The following ZNF729 variants were observed in gnomAD, a reference collection of about 807,000 sequenced individuals.
ZNF729 encodes the protein zinc finger protein 729.
A neutral mutation model predicts 12.2 loss-of-function variants in ZNF729; 15 were observed. The observed-to-expected ratio is 1.23, with a 90% CI of 0.82 to 1.89. The LOEUF (loss-of-function observed/expected upper bound fraction) is 1.89, where lower values mean the gene tolerates loss of function less well. ZNF729 is among the 40% of genes most tolerant of loss of function. The probability of loss-of-function intolerance (pLI) is 0.00; values close to 1 mark genes in which losing one functional copy is unlikely to be tolerated. For missense variants in ZNF729, 1,540 were observed against 1,456.7 expected, an observed-to-expected ratio of 1.06 and a Z score of -0.93; for synonymous variants, 492 against 476.3, an observed-to-expected ratio of 1.03 and a Z score of -0.43.
chr19:22,313,507 G>C (rs1453377726), intron 3 of ZNF729, among the ~76,000 whole-genome samples, 164 bp from the exon 4 acceptor site: 1 of 152,050 alleles, frequency 6.6e-6, no homozygotes, highest in Non-Finnish European at 1.5e-5. Flanking sequence ...AATGTATTTG[G>C]TCAGTATGTT....
chr19:22,286,855 G>A (rs1333225961), intron 1 of ZNF729, among the ~76,000 whole-genome samples: 1 of 152,216 alleles, frequency 6.6e-6, no homozygotes, highest in Non-Finnish European at 1.5e-5. Flanking sequence ...CACGGGAGGG[G>A]CGTCAGGGGA....
chr19:22,294,905 G>T (rs1968207695), intron 1 of ZNF729, among the ~76,000 whole-genome samples: 1 of 151,616 alleles, frequency 6.6e-6, no homozygotes, highest in Non-Finnish European at 1.5e-5. Flanking sequence ...GACCCACCCG[G>T]CTCGGCTTCC....
intron 1 of ZNF729, chr19:22,299,249 A>G (rs1968272339): frequency 6.6e-6 from 1 of 152,018 alleles, no homozygotes; most frequent in African/African-American, 2.4e-5. Context: ...TTTGTTTTTG[A>G]GATAGAATCT....
intron 1 of ZNF729, among the ~76,000 whole-genome samples, chr19:22,302,224 C>G (rs1245262873): frequency 6.6e-6 from 1 of 152,312 alleles, no homozygotes; most frequent in African/African-American, 2.4e-5. Context: ...GAGACTCAAA[C>G]AGGTAAACTA....
At chr19:22,301,997 C>G (rs75398731) in intron 1 of ZNF729, among the ~76,000 whole-genome samples, 10,179 of 147,874 alleles carry the variant, frequency 0.069, no homozygotes, top group South Asian at 0.085. Context: ...GAAACCCTCT[C>G]ACAATCACCT....
chr19:22,302,600 C>T (rs1599755711), intron 1 of ZNF729, among the ~76,000 whole-genome samples: 1 of 140,142 alleles, frequency 7.1e-6, no homozygotes, highest in South Asian at 2.3e-4. Flanking sequence ...TTAAATTACA[C>T]AGATTCTGGG....
rs186735455 is a variant in ZNF729, at chr19:22,306,705, A to G, written c.253+1922A>G. 7.2e-3 allele frequency among the ~76,000 whole-genome samples: 1,092 copies of G among 151,372 alleles called. 5 individuals carry two copies. The highest frequency in any genetic ancestry group is 0.013 in the Non-Finnish European group (869 of 67,804). On this transcript the variant is annotated intron_variant, in intron 3 of 3. Coordinates refer to ENST00000601693, the MANE Select transcript of ZNF729 (RefSeq NM_001242680.2). The stretch of plus-strand genomic sequence containing the variant: ...CATAACAATTTCAATGGAACAAAAA[A>G]CTATATTTTTATATTTTCCAGTTTG...
At chr19:22,291,180 G>A (rs899459931) in intron 1 of ZNF729, among the ~76,000 whole-genome samples, 1 of 152,118 alleles carries the variant, frequency 6.6e-6, no homozygotes, top group Non-Finnish European at 1.5e-5. Context: ...CCAGATAAAA[G>A]ATATCACAGA....
chr19:22,313,786 A>T lies in ZNF729; in HGVS notation c.369A>T (p.Arg123Ser). 6.3e-7 allele frequency: 1 copy of T among 1,596,922 alleles called. No individual in the cohort carries two copies. ...GTGGACATAAGAATTTACGATTAAG[A>T]AAAGATTGTAAAAGTGCCAATGAGG... is the stretch of plus-strand genomic sequence containing the variant. ...ARCGHKNLRL[R>S]KDCKSANEGK... Residue 123 changes from arginine (R) to serine (S), a missense_variant, in exon 4 of 4, where the codon AGA becomes AGT. Physicochemically the swap from Arg to Ser is moderately radical, Grantham distance 110. Transcript: ENST00000601693.
chr19:22,291,262 A>G (rs1463890873), intron 1 of ZNF729, among the ~76,000 whole-genome samples: 1 of 152,164 alleles, frequency 6.6e-6, no homozygotes, highest in African/African-American at 2.4e-5. Flanking sequence ...AGGCCATCAC[A>G]CTGCCCATTA....
At chr19:22,313,354 C>G (rs900022656) in intron 3 of ZNF729, among the ~76,000 whole-genome samples, 2 of 152,166 alleles carry the variant, frequency 1.3e-5, no homozygotes, top group Non-Finnish European at 2.9e-5. Flanking sequence ...TCCCAGTCAG[C>G]AATTTACTTC....
chr19:22,315,682 T>C lies in ZNF729; in HGVS notation c.2265T>C (p.Leu755=), dbSNP rs538971970. The part of the protein sequence containing the change: ...CGKSFKHFSA[L]RKHKVIHTRE... Reference sequence around the variant, plus strand: ...AATCTTTTAAGCATTTCTCAGCCCTTAGAAAACATAAGGTAATTCATACTA... The same window carrying C: ...AATCTTTTAAGCATTTCTCAGCCCTCAGAAAACATAAGGTAATTCATACTA... The change falls in exon 4 of 4, where the codon CTT becomes CTC. Residue 755 remains leucine (L), a synonymous_variant. Transcript: ENST00000601693. The C allele has an allele frequency of 4.7e-4, 763 of 1,606,332 alleles. 1 individual carries two copies. In the African/African-American group the frequency reaches 8.9e-3, roughly 19 times the overall value.
In ZNF729 at chr19:22,286,475, C is replaced by T. The variant is rs1259840219; in HGVS notation, c.-51C>T. 10 of 1,611,152 alleles carry T rather than the reference C, an allele frequency of 6.2e-6. No individual in the cohort carries two copies. Among genetic ancestry groups the T allele is most frequent in the African/African-American group, 2.7e-5 (2 of 74,666 alleles). ...GGTCTCGCCTTCACTGCTGTGTGTC[C>T]TCAGCCTCTGTGGCCCTGTAACCTG... On this transcript the variant is annotated 5_prime_UTR_variant, in exon 1 of 4. Coordinates refer to ENST00000601693, the MANE Select transcript of ZNF729 (RefSeq NM_001242680.2).
At position 22,317,046 on chromosome 19, in the gene ZNF729, A is replaced by T; in HGVS notation, c.3629A>T (p.His1210Leu). 1 of 1,609,136 alleles carries T rather than the reference A, an allele frequency of 6.2e-7. No individual in the cohort carries two copies. Among genetic ancestry groups the T allele is most frequent in the Non-Finnish European group, 8.5e-7 (1 of 1,178,872 alleles). Residue 1210 changes from histidine to leucine, a missense_variant, in exon 4 of 4, where the codon CAT becomes CTT. Physicochemically the swap from His to Leu is moderately conservative, Grantham distance 99. Transcript: ENST00000601693. The part of the protein sequence containing the change: ...CSYLIRHKTI[H>L]TREKPTNVKK... ...TACCTTATTAGACATAAAACAATTC[A>T]TACCAGAGAGAAACCTACAAATGTG... is the stretch of plus-strand genomic sequence containing the variant.
intron 1 of ZNF729, among the ~76,000 whole-genome samples, chr19:22,293,494 ATTT>A (rs56180581): frequency 1.1e-4 from 11 of 96,062 alleles, no homozygotes; most frequent in Admixed American, 2.8e-4. Flanking sequence ...CCTTTTGTCT[ATTT>A]TTTTTTTTTT....
At chr19:22,308,811 CTG>C (rs1968415706) in intron 3 of ZNF729, among the ~76,000 whole-genome samples, 1 of 152,068 alleles carries the variant, frequency 6.6e-6, no homozygotes, top group South Asian at 2.1e-4. Context: ...TTCTCCTACT[CTG>C]TGGGTTGTCT....
intron 1 of ZNF729, among the ~76,000 whole-genome samples, chr19:22,295,389 CTTT>C (rs746054091): frequency 8.4e-5 from 11 of 130,850 alleles, no homozygotes; most frequent in Non-Finnish European, 6.6e-5. Flanking sequence ...AGTTTTCTTT[CTTT>C]TTTTTTTTTT....
chr19:22,289,133 G>T lies in ZNF729; in HGVS notation c.30+2578G>T, dbSNP rs182756674. ...CTGTGAATTGCATTTTGTTAGTAGG[G>T]ATTGAAAGAAAGATAAGAAAATATT... is the stretch of plus-strand genomic sequence containing the variant. On this transcript the variant is annotated intron_variant, in intron 1 of 3. Transcript: ENST00000601693. Among the ~76,000 whole-genome samples, 4 of 152,062 alleles carry T rather than the reference G, an allele frequency of 2.6e-5. No individual in the cohort carries two copies. The East Asian group carries it at 5.8e-4, about 22-fold the overall frequency.
intron 3 of ZNF729, among the ~76,000 whole-genome samples, chr19:22,311,973 G>T (rs1358811249): frequency 6.6e-6 from 1 of 151,776 alleles, no homozygotes; most frequent in Non-Finnish European, 1.5e-5. Context: ...AATTGCTGTT[G>T]CTTTAAAGTA....
Sources: allele counts gnomAD v4.1 joint callset (sites outside exome capture counted in the v4.1 genomes callset), GRCh38; gene constraint gnomAD v4.1.1; transcripts MANE v1.5; gene names NCBI Gene and HGNC (gene_info 2026-07-23, HGNC 2026-07-21).